PTPRD: variants seen among roughly 807,000 people sequenced by gnomAD.
PTPRD encodes receptor-type tyrosine-protein phosphatase delta.
In PTPRD, 34 loss-of-function variants were observed where a neutral mutation model predicts 214.5. The observed-to-expected ratio is 0.16, with a 90% CI of 0.12 to 0.21. The LOEUF (loss-of-function observed/expected upper bound fraction) is 0.21, where lower values mean the gene tolerates loss of function less well. PTPRD is among the 10% of genes least tolerant of loss of function. The pLI is 1.00. For missense variants in PTPRD, 2,545 were observed against 2,398.7 expected (o/e 1.06, Z -1.27); for synonymous variants, 1,128 against 845.7 (o/e 1.33, Z -5.79).
intron 11 of PTPRD, among the ~76,000 whole-genome samples, chr9:8,992,725 A>G (rs1193711176): frequency 6.6e-6 from 1 of 152,152 alleles, no homozygotes; most frequent in African/African-American, 2.4e-5. Context: ...AGGATTTTCT[A>G]CCAGTCCTTT....
At chr9:10,531,069 C>A (rs1477127674) in intron 2 of PTPRD, among the ~76,000 whole-genome samples, 2 of 152,020 alleles carry the variant, frequency 1.3e-5, no homozygotes, top group Non-Finnish European at 2.9e-5. Context: ...CCTGCGTAAG[C>A]CTTCCGAGTG....
intron 9 of PTPRD, among the ~76,000 whole-genome samples, chr9:9,185,644 T>C (rs1218050435): frequency 1.3e-5 from 2 of 152,084 alleles, no homozygotes; most frequent in African/African-American, 4.8e-5. Context: ...AACTGCCTTT[T>C]GATCTGAAGT....
At chr9:9,011,924 CAT>C (rs1229737789) in intron 11 of PTPRD, among the ~76,000 whole-genome samples, 2 of 152,116 alleles carry the variant, frequency 1.3e-5, no homozygotes, top group Admixed American at 1.3e-4. Flanking sequence ...GGACCTGTGA[CAT>C]ATTTCTAACC....
At chr9:10,328,760 G>T (rs2096694219) in intron 3 of PTPRD, among the ~76,000 whole-genome samples, 1 of 151,824 alleles carries the variant, frequency 6.6e-6, no homozygotes, top group Admixed American at 6.6e-5. Flanking sequence ...GAGGAAACAT[G>T]AAGACAGAAG....
intron 5 of PTPRD, among the ~76,000 whole-genome samples, chr9:9,923,354 C>G (rs1041575287): frequency 4.7e-5 from 7 of 149,188 alleles, no homozygotes; most frequent in African/African-American, 1.5e-4. Context: ...TGGAAAACGA[C>G]AAAAGACAGG....
chr9:9,251,673 G>C (rs920962781), intron 9 of PTPRD, among the ~76,000 whole-genome samples: 1 of 151,930 alleles, frequency 6.6e-6, no homozygotes, highest in Non-Finnish European at 1.5e-5. Flanking sequence ...AGTTCTTTAG[G>C]ATAAGAAGTG....
intron 3 of PTPRD, among the ~76,000 whole-genome samples, chr9:10,144,661 G>C (rs559960050): frequency 6.6e-6 from 1 of 152,168 alleles, no homozygotes; most frequent in East Asian, 1.9e-4. Context: ...ATCTCCACTG[G>C]AGAGGAAGAA....
At chr9:8,808,675 G>C (rs931695887) in intron 11 of PTPRD, among the ~76,000 whole-genome samples, 2 of 151,672 alleles carry the variant, frequency 1.3e-5, no homozygotes, top group South Asian at 2.1e-4. Context: ...TTTTGACCTT[G>C]TAAATTATTA....
At chr9:9,013,768 T>C (rs892749936) in intron 11 of PTPRD, among the ~76,000 whole-genome samples, 1 of 152,122 alleles carries the variant, frequency 6.6e-6, no homozygotes, top group Admixed American at 6.6e-5. Context: ...GTACCCACTG[T>C]TTTTTCCAGT....
rs1022120843 is a variant in PTPRD at position 9,861,876 on chromosome 9, T to C, written c.-368+76631A>G. On this transcript the variant is annotated intron_variant, in intron 5 of 45. Coordinates refer to ENST00000381196, the MANE Select transcript of PTPRD (RefSeq NM_002839.4). ...TGTTTATTACTCTCCCCCTGCATCA[T>C]ATTTACCTTACCTGTTTTGATTATA... 3.9e-5 allele frequency among the ~76,000 whole-genome samples: 6 copies of C among 152,206 alleles called. 1 individual carries two copies. Among genetic ancestry groups the C allele is most frequent in the Non-Finnish European group, 8.8e-5 (6 of 68,032 alleles).
chr9:10,202,019 A>G (rs1207193387), intron 3 of PTPRD, among the ~76,000 whole-genome samples: 4 of 152,016 alleles, frequency 2.6e-5, no homozygotes, highest in Non-Finnish European at 4.4e-5. Flanking sequence ...TGAACAGTTG[A>G]TCATTCAGAT....
Position 8,931,421 on chromosome 9 carries a change from C to G in PTPRD, c.-104+87276G>C, listed in dbSNP as rs189188363. On this transcript the variant is annotated intron_variant, in intron 11 of 45. Coordinates refer to ENST00000381196, the MANE Select transcript of PTPRD (RefSeq NM_002839.4). ...GATGCCTCCAGCTTTGTTCTTTTGG[C>G]TTAGGATTGACTTGGTAATGCGGGC... Among the ~76,000 whole-genome samples the G allele has an allele frequency of 4.8e-3, 729 of 152,138 alleles. 5 individuals carry two copies. Among genetic ancestry groups the G allele is most frequent in the Non-Finnish European group, 5.9e-3 (399 of 67,998 alleles).
intron 12 of PTPRD, among the ~76,000 whole-genome samples, chr9:8,653,143 T>C (rs1354614667): frequency 6.6e-6 from 1 of 152,150 alleles, no homozygotes; most frequent in Non-Finnish European, 1.5e-5. Context: ...GCCATGAAAG[T>C]AGATCTCCTT....
chr9:10,271,685 G>A (rs544769177), intron 3 of PTPRD, among the ~76,000 whole-genome samples: 81 of 151,534 alleles, frequency 5.3e-4, no homozygotes, highest in Non-Finnish European at 1.0e-3. Flanking sequence ...TGGCATTATC[G>A]GCGTCTGCCA....
chr9:8,614,900 C>A (rs2095560877), intron 14 of PTPRD, among the ~76,000 whole-genome samples: 1 of 152,096 alleles, frequency 6.6e-6, no homozygotes, highest in South Asian at 2.1e-4. Flanking sequence ...AAGAGGGCTT[C>A]CTATTTTCCC....
At chr9:8,347,097 G>C (rs546790696) in intron 39 of PTPRD, among the ~76,000 whole-genome samples, 4 of 151,992 alleles carry the variant, frequency 2.6e-5, no homozygotes, top group African/African-American at 7.2e-5. Flanking sequence ...GATAGAGGGG[G>C]ACTACACTAA....
intron 5 of PTPRD, among the ~76,000 whole-genome samples, chr9:9,849,599 T>C (rs1342760502): frequency 6.6e-6 from 1 of 152,052 alleles, no homozygotes; most frequent in Non-Finnish European, 1.5e-5. Flanking sequence ...CTGTTGTGAA[T>C]CATTCTAGAT....
chr9:8,864,622 G>A (rs909195429), intron 11 of PTPRD, among the ~76,000 whole-genome samples: 1 of 152,198 alleles, frequency 6.6e-6, no homozygotes, highest in Non-Finnish European at 1.5e-5. Flanking sequence ...TCACTCAGAA[G>A]TGAAATACCA....
intron 4 of PTPRD, among the ~76,000 whole-genome samples, chr9:9,962,734 T>A (rs1455100877): frequency 6.6e-6 from 1 of 152,138 alleles, no homozygotes; most frequent in Non-Finnish European, 1.5e-5. Context: ...TGAAGCTGAA[T>A]GTCTCTTACT....
Sources: allele counts gnomAD v4.1 joint callset (sites outside exome capture counted in the v4.1 genomes callset), GRCh38; gene constraint gnomAD v4.1.1; transcripts MANE v1.5; gene names NCBI Gene and HGNC (gene_info 2026-07-23, HGNC 2026-07-21).